The following PXDN variants were observed in gnomAD, a reference collection of about 807,000 sequenced individuals.
PXDN encodes the protein peroxidasin homolog.
PXDN carries 77 observed loss-of-function variants against 140.3 expected under a neutral mutation model. That is an observed-to-expected ratio of 0.55 (90% CI 0.46 to 0.66). The LOEUF (loss-of-function observed/expected upper bound fraction) is 0.66. Ranked by LOEUF, PXDN falls within the 30% of genes least tolerant of loss-of-function variation. The pLI, the probability that PXDN is intolerant of heterozygous loss-of-function variation, is 0.00. For synonymous variants in PXDN, 911 were observed against 857.4 expected (o/e 1.06, Z -1.09); for missense variants, 1,838 against 2,039.5 (o/e 0.90, Z 1.90).
chr2:1,716,618 G>T (rs1684902667), intron 1 of PXDN, among the ~76,000 whole-genome samples: 1 of 152,116 alleles, frequency 6.6e-6, no homozygotes, highest in Non-Finnish European at 1.5e-5. Flanking sequence ...GGGGCAAGGG[G>T]TTGGCATGGA....
At chr2:1,663,910 C>T in intron 11 of PXDN, 147 bp from the exon 12 acceptor site, 3 of 934,528 alleles carry the variant, frequency 3.2e-6, no homozygotes, top group Middle Eastern at 3.4e-4. Flanking sequence ...CAAATCTTTG[C>T]CTCCCCAGCA....
intron 1 of PXDN, among the ~76,000 whole-genome samples, chr2:1,732,830 A>G (rs977789097): frequency 1.3e-5 from 2 of 152,248 alleles, no homozygotes; most frequent in Non-Finnish European, 2.9e-5. Context: ...GCTGCCACAG[A>G]TGTTAGAGTT....
rs75454260 is a variant in PXDN at position 1,648,615 on chromosome 2, G to C, written c.3165C>G (p.Pro1055=). 2 of 1,612,858 alleles carry C rather than the reference G, an allele frequency of 1.2e-6. No homozygotes were observed. Among genetic ancestry groups the C allele is most frequent in the Admixed American group, 3.3e-5 (2 of 59,936 alleles). The change falls in exon 17 of 23, where the codon CCC becomes CCG. Residue 1055 remains proline (P), a synonymous_variant. Transcript: ENST00000252804. This position sits in a 1 kb window ranked among gnomAD's most constrained non-coding sequence, Gnocchi z 8.9. ...RTLGEYHGYD[P]GINAGIFNAF... ...CGTTGAAGATGCCAGCATTGATGCC[G>C]GGGTCGTAGCCGTGGTACTCTCCCA...
intron 9 of PXDN, among the ~76,000 whole-genome samples, chr2:1,666,943 T>G (rs1683458728): frequency 6.6e-6 from 1 of 152,142 alleles, no homozygotes; most frequent in African/African-American, 2.4e-5. Flanking sequence ...ATTTTTCAAA[T>G]TTAAATCCAG....
intron 9 of PXDN, among the ~76,000 whole-genome samples, chr2:1,670,873 C>T (rs1407859714): frequency 2.6e-5 from 4 of 152,128 alleles, no homozygotes; most frequent in Non-Finnish European, 5.9e-5. Context: ...GGAACAGTGC[C>T]CAGTAGAAGA....
At chr2:1,686,430 CT>C (rs1266828632) in intron 4 of PXDN, among the ~76,000 whole-genome samples, 2 of 151,192 alleles carry the variant, frequency 1.3e-5, no homozygotes, top group Non-Finnish European at 2.9e-5. Context: ...TCTCCCCTGA[CT>C]TGCCCTTTCC....
chr2:1,650,725 T>C (rs6759228), intron 16 of PXDN, among the ~76,000 whole-genome samples: 135,589 of 152,118 alleles, frequency 0.89, 60,541 homozygotes, highest in East Asian at 1. Flanking sequence ...ATGTTTTCCA[T>C]TCACACATGC....
At chr2:1,644,493 G>A (rs1207926197) in intron 18 of PXDN, 125 bp downstream of exon 18, 30 of 1,129,318 alleles carry the variant, frequency 2.7e-5, no homozygotes, top group Middle Eastern at 3.3e-4. Flanking sequence ...ATTCTCAACC[G>A]GGGACACACA....
Position 1,649,189 on chromosome 2 carries a change from G to C in PXDN, c.2591C>G (p.Pro864Arg), listed in dbSNP as rs769171499. 2.2e-4 allele frequency: 361 copies of C among 1,611,412 alleles called. 1 individual carries two copies. The highest frequency in any genetic ancestry group is 2.9e-4 in the Non-Finnish European group (338 of 1,179,214). Residue 864 changes from proline to arginine, a missense_variant, in exon 17 of 23, where the codon CCC becomes CGC. Coordinates refer to ENST00000252804, the MANE Select transcript of PXDN (RefSeq NM_012293.3). The surrounding 1 kb of genome is among the most constrained non-coding windows in gnomAD (Gnocchi z 7.1). ...DPPCFSVMIP[P>R]NDSRARSGAR... ...CCCGCTCCTGGCCCGGGAGTCATTGGGGGGGATCATGACAGAGAAGCAGGG... is the reference window on the plus strand; with the variant it reads ...CCCGCTCCTGGCCCGGGAGTCATTGCGGGGGATCATGACAGAGAAGCAGGG...
At chr2:1,654,587 A>G (rs1177015343) in intron 14 of PXDN, 79 bp from the exon 15 acceptor site, 3 of 860,720 alleles carry the variant, frequency 3.5e-6, no homozygotes, top group African/African-American at 3.3e-5. Flanking sequence ...ACACTACATC[A>G]TTAGCCACAA....
intron 8 of PXDN, 65 bp from the exon 9 acceptor site, chr2:1,673,877 C>T: frequency 3.8e-6 from 6 of 1,561,754 alleles, no homozygotes; most frequent in Non-Finnish European, 5.3e-6. Flanking sequence ...CACCCATCCC[C>T]AGCACAGGGG....
At chr2:1,711,647 A>ACTCCACCAGCACCCACT (rs142623593) in intron 1 of PXDN, among the ~76,000 whole-genome samples, 5 of 117,418 alleles carry the variant, frequency 4.3e-5, no homozygotes, top group African/African-American at 1.2e-4. Context: ...ACCAGCACCC[A>ACTCCACCAGCACCCACT]CTCCACCAGC....
At position 1,659,409 on chromosome 2, in the gene PXDN, A is replaced by G. The variant is rs140633284; in HGVS notation, c.1837+1472T>C. Reference sequence around the variant, plus strand: ...ATGCCAATAGGTAGATAAATGAGACATACAATTTTATATAATTTTATGACT... The same window carrying G: ...ATGCCAATAGGTAGATAAATGAGACGTACAATTTTATATAATTTTATGACT... On this transcript the variant is annotated intron_variant, in intron 14 of 22. Coordinates refer to ENST00000252804, the MANE Select transcript of PXDN (RefSeq NM_012293.3). Among the ~76,000 whole-genome samples, 170 of 152,366 alleles carry G rather than the reference A, an allele frequency of 1.1e-3. 1 individual carries two copies. The highest frequency in any genetic ancestry group is 3.8e-3 in the African/African-American group (159 of 41,586).
intron 1 of PXDN, among the ~76,000 whole-genome samples, chr2:1,723,238 G>A (rs570915529): frequency 6.6e-6 from 1 of 152,246 alleles, no homozygotes; most frequent in East Asian, 1.9e-4. Flanking sequence ...TGGATGAGTG[G>A]TTATGAATCA....
intron 11 of PXDN, chr2:1,664,653 T>TA (rs1355553431): frequency 2.9e-6 from 1 of 346,232 alleles, no homozygotes; most frequent in Non-Finnish European, 5.3e-6. Flanking sequence ...AAGCACATCC[T>TA]AGAGACTATC....
At position 1,719,836 on chromosome 2, in the gene PXDN, G is replaced by C. The variant is rs75030254; in HGVS notation, c.200+24420C>G. 0.017 allele frequency among the ~76,000 whole-genome samples: 537 copies of C among 32,276 alleles called. 41 individuals carry two copies. In the East Asian group the frequency reaches 0.19, roughly 11 times the overall value. 21.2% of individuals were successfully genotyped at this position (32,276 alleles called of 152,430 possible). On this transcript the variant is annotated intron_variant, in intron 1 of 22. Coordinates refer to ENST00000252804, the MANE Select transcript of PXDN (RefSeq NM_012293.3). ...CAGGATGTGTGTACATGCGTGCATTGTGTGTGTGTGTGTGTGTGTGTGTGT... is the reference window on the plus strand; with the variant it reads ...CAGGATGTGTGTACATGCGTGCATTCTGTGTGTGTGTGTGTGTGTGTGTGT...
At chr2:1,679,719 CTG>C (rs565815199) in intron 7 of PXDN, among the ~76,000 whole-genome samples, 47 of 112,006 alleles carry the variant, frequency 4.2e-4, no homozygotes, top group African/African-American at 9.8e-4. Context: ...TCTATAAATG[CTG>C]TGTGTGTGTG....
In PXDN at chr2:1,714,032, G is replaced by A. The variant is rs972347783; in HGVS notation, c.201-20898C>T. On this transcript the variant is annotated intron_variant, in intron 1 of 22. Coordinates refer to ENST00000252804, the MANE Select transcript of PXDN (RefSeq NM_012293.3). This position sits in a 1 kb window ranked among gnomAD's most constrained non-coding sequence, Gnocchi z 4.3. The stretch of plus-strand genomic sequence containing the variant: ...TCACCCTGAAACATGGCCCAGCCTG[G>A]GCAACCTACGATAATATTGGCACTG... Among the ~76,000 whole-genome samples the A allele has an allele frequency of 6.6e-6, 1 of 152,146 alleles. No homozygotes were observed. The highest frequency in any genetic ancestry group is 2.1e-4 in the South Asian group (1 of 4,824).
intron 1 of PXDN, among the ~76,000 whole-genome samples, chr2:1,736,909 C>A (rs1182253382): frequency 6.6e-6 from 1 of 152,200 alleles, no homozygotes; most frequent in Non-Finnish European, 1.5e-5. Flanking sequence ...ACTGGTCAAG[C>A]CTCTCCTTCT....
Sources: allele counts gnomAD v4.1 joint callset (sites outside exome capture counted in the v4.1 genomes callset), GRCh38; gene constraint gnomAD v4.1.1; non-coding constraint Gnocchi (gnomAD v3.1); transcripts MANE v1.5; gene names NCBI Gene and HGNC (gene_info 2026-07-23, HGNC 2026-07-21).